Variants in PRDM16 observed in about 807,000 individuals in gnomAD.
PRDM16 encodes PR/SET domain 16, also known as histone-lysine N-methyltransferase PRDM16.
Under a neutral mutation model 110.6 loss-of-function variants are expected in PRDM16, and 23 were observed. That is an observed-to-expected ratio of 0.21 (90% confidence interval 0.15 to 0.29). PRDM16 has a LOEUF of 0.29. Among genes scored for constraint, PRDM16 ranks in the 10% least tolerant of loss-of-function variants. The pLI is 1.00. For synonymous variants in PRDM16, 799 were observed against 781.8 expected, an observed-to-expected ratio of 1.02 and a Z score of -0.37; for missense variants, 1,615 against 1,794.3, an observed-to-expected ratio of 0.90 and a Z score of 1.81.
intron 3 of PRDM16, among the ~76,000 whole-genome samples, chr1:3,298,505 AC>A (rs545286269): frequency 5.4e-4 from 82 of 151,720 alleles, no homozygotes; most frequent in African/African-American, 1.9e-3. Flanking sequence ...TTGAATCCCC[AC>A]CCCCCGGCCC....
chr1:3,093,763 G>A (rs4648361), intron 1 of PRDM16, among the ~76,000 whole-genome samples: 57,958 of 151,906 alleles, frequency 0.38, 12,030 homozygotes, highest in African/African-American at 0.55. Context: ...AGGAGCTCAG[G>A]GCAAACGCCC....
In PRDM16 at chr1:3,191,086, T is replaced by TC. The variant is rs1042361173; in HGVS notation, c.387+4616dup. ...TGCTTGTTTCTTTGTTGACTGTGTC[T>TC]CCCCAGAAAGGCTCTCGAAGGCATC... On this transcript the variant is annotated intron_variant, in intron 2 of 16. Coordinates refer to ENST00000270722, the MANE Select transcript of PRDM16 (RefSeq NM_022114.4). 1.1e-4 allele frequency among the ~76,000 whole-genome samples: 16 copies of TC among 152,234 alleles called. 5 individuals are homozygous for TC. The highest frequency in any genetic ancestry group is 4.6e-4 in the Admixed American group (7 of 15,302).
intron 2 of PRDM16, among the ~76,000 whole-genome samples, chr1:3,214,523 C>G (rs542231535): frequency 6.6e-5 from 10 of 152,170 alleles, no homozygotes; most frequent in African/African-American, 9.7e-5. Context: ...GTGGCAAAAC[C>G]CTGTCTCTAC....
At chr1:3,431,677 T>G (rs1240404694) in intron 15 of PRDM16, among the ~76,000 whole-genome samples, 1 of 152,200 alleles carries the variant, frequency 6.6e-6, no homozygotes, top group Non-Finnish European at 1.5e-5. Flanking sequence ...TCTTAGAGAA[T>G]TGAAGCCTTC....
intron 1 of PRDM16, among the ~76,000 whole-genome samples, chr1:3,169,531 T>G (rs961551595): frequency 6.6e-6 from 1 of 152,182 alleles, no homozygotes; most frequent in Non-Finnish European, 1.5e-5. Flanking sequence ...TGCCTCAGTT[T>G]CCTGATCCAT....
intron 3 of PRDM16, among the ~76,000 whole-genome samples, chr1:3,349,070 A>C (rs537913272): frequency 6.6e-6 from 1 of 152,324 alleles, no homozygotes; most frequent in East Asian, 1.9e-4. Flanking sequence ...GGGGCTTTGT[A>C]ATAATCACCA....
intron 2 of PRDM16, among the ~76,000 whole-genome samples, chr1:3,220,459 G>C (rs908259202): frequency 1.3e-5 from 2 of 152,188 alleles, no homozygotes; most frequent in African/African-American, 4.8e-5. Flanking sequence ...GCACAGGTTG[G>C]GGCAACATTG....
chr1:3,113,952 C>T (rs1642854635), intron 1 of PRDM16, among the ~76,000 whole-genome samples: 1 of 152,194 alleles, frequency 6.6e-6, no homozygotes, highest in South Asian at 2.1e-4. Flanking sequence ...TTTTCTCTCC[C>T]ACTCGGGATG....
intron 3 of PRDM16, among the ~76,000 whole-genome samples, chr1:3,292,775 G>A (rs1641006140): frequency 6.6e-6 from 1 of 152,240 alleles, no homozygotes; most frequent in Non-Finnish European, 1.5e-5. Context: ...CAGGCTGAAT[G>A]TTCTCCACCA....
At chr1:3,259,336 G>A (rs1421767709) in intron 3 of PRDM16, among the ~76,000 whole-genome samples, 2 of 152,204 alleles carry the variant, frequency 1.3e-5, no homozygotes, top group Admixed American at 6.5e-5. Flanking sequence ...CATGATGACT[G>A]TGCCTGGGCG....
chr1:3,129,443 G>A (rs1643288362), intron 1 of PRDM16, among the ~76,000 whole-genome samples: 1 of 151,986 alleles, frequency 6.6e-6, no homozygotes, highest in Non-Finnish European at 1.5e-5. Context: ...CCTTCCTGGT[G>A]TGCATGTGTC....
intron 2 of PRDM16, among the ~76,000 whole-genome samples, chr1:3,211,317 G>C (rs543058587): frequency 1.3e-5 from 2 of 152,302 alleles, no homozygotes; most frequent in East Asian, 3.9e-4. Flanking sequence ...TAGACCGATT[G>C]AAAATAAGTG....
chr1:3,140,527 G>A (rs902901109), intron 1 of PRDM16, among the ~76,000 whole-genome samples: 1 of 152,212 alleles, frequency 6.6e-6, no homozygotes, highest in Non-Finnish European at 1.5e-5. Flanking sequence ...CCTCGCTGAT[G>A]TGTTTATTTT....
intron 1 of PRDM16, among the ~76,000 whole-genome samples, chr1:3,155,920 C>T (rs755460679): frequency 1.3e-5 from 2 of 152,128 alleles, no homozygotes; most frequent in Admixed American, 6.5e-5. Flanking sequence ...ATTAATAATG[C>T]GTAGAAGGAG....
At chr1:3,189,259 C>T (rs1638235231) in intron 2 of PRDM16, among the ~76,000 whole-genome samples, 1 of 152,216 alleles carries the variant, frequency 6.6e-6, no homozygotes, top group Non-Finnish European at 1.5e-5. Context: ...AACAAGCGGC[C>T]CTGCTAGCCC....
intron 1 of PRDM16, among the ~76,000 whole-genome samples, chr1:3,084,449 G>T (rs556989204): frequency 6.6e-6 from 1 of 152,346 alleles, no homozygotes; most frequent in South Asian, 2.1e-4. Context: ...GAGGCCCTTT[G>T]TGGGATTATC....
intron 1 of PRDM16, among the ~76,000 whole-genome samples, chr1:3,075,349 C>T (rs1001418291): frequency 3.3e-5 from 5 of 152,144 alleles, no homozygotes; most frequent in South Asian, 2.1e-4. Flanking sequence ...TCCATCTTGC[C>T]GGCTGCAATT....
chr1:3,331,259 G>C (rs898092698), intron 3 of PRDM16, among the ~76,000 whole-genome samples: 5 of 146,138 alleles, frequency 3.4e-5, no homozygotes, highest in East Asian at 3.9e-4. Context: ...CTGCCAGCCT[G>C]GGGGGGGCGC....
At chr1:3,252,798 C>G (rs1477521092) in intron 3 of PRDM16, among the ~76,000 whole-genome samples, 2 of 152,096 alleles carry the variant, frequency 1.3e-5, no homozygotes, top group Non-Finnish European at 2.9e-5. Flanking sequence ...GCAGCAGTGC[C>G]GAGCCTCCCC....
Sources: allele counts gnomAD v4.1 joint callset (sites outside exome capture counted in the v4.1 genomes callset), GRCh38; gene constraint gnomAD v4.1.1; transcripts MANE v1.5; gene names NCBI Gene and HGNC (gene_info 2026-07-23, HGNC 2026-07-21).